ZNF385D: variants seen among roughly 807,000 people sequenced by gnomAD.
The protein encoded by ZNF385D is zinc finger protein 385D.
ZNF385D carries 15 observed loss-of-function variants against 35.8 expected under a neutral mutation model. That is an observed-to-expected ratio of 0.42 (90% CI 0.28 to 0.64). ZNF385D has a LOEUF of 0.64. Among genes scored for constraint, ZNF385D ranks in the 30% least tolerant of loss-of-function variants. The pLI is 0.23. For missense variants in ZNF385D, 474 were observed against 494.6 expected (o/e 0.96, Z 0.39); for synonymous variants, 212 against 186.8 (o/e 1.13, Z -1.10).
chr3:21,889,201 C>T (rs1698710167), intron 3 of ZNF385D, among the ~76,000 whole-genome samples: 1 of 152,124 alleles, frequency 6.6e-6, no homozygotes, highest in Middle Eastern at 3.2e-3. Flanking sequence ...AGCTTTAGTC[C>T]CACTGATCAT....
intron 2 of ZNF385D, among the ~76,000 whole-genome samples, chr3:22,338,663 A>T (rs1393301100): frequency 1.3e-5 from 2 of 151,842 alleles, no homozygotes; most frequent in Admixed American, 1.3e-4. Context: ...TAAATAAAAA[A>T]GTAAAGTTAA....
chr3:21,471,295 TCACACACACACACACACACA>T (rs151185506), intron 4 of ZNF385D, among the ~76,000 whole-genome samples: 4 of 86,238 alleles, frequency 4.6e-5, no homozygotes, highest in African/African-American at 1.7e-4. Context: ...TCTCTCTCTC[TCACACACACACACACACACA>T]CACACACACA....
chr3:21,817,515 G>A (rs1307178346), intron 3 of ZNF385D, among the ~76,000 whole-genome samples: 1 of 152,150 alleles, frequency 6.6e-6, no homozygotes, highest in Middle Eastern at 3.4e-3. Flanking sequence ...GTGGGTGAAG[G>A]ATATGAACAG....
chr3:21,551,305 G>T (rs2062560867), intron 3 of ZNF385D, among the ~76,000 whole-genome samples: 1 of 152,184 alleles, frequency 6.6e-6, no homozygotes, highest in Non-Finnish European at 1.5e-5. Context: ...AAACAGCAGA[G>T]ACATGAACAT....
chr3:21,849,011 A>G (rs1429777047), intron 3 of ZNF385D, among the ~76,000 whole-genome samples: 1 of 152,100 alleles, frequency 6.6e-6, no homozygotes, highest in African/African-American at 2.4e-5. Flanking sequence ...TTAAAGTTTT[A>G]TCAACAGTGT....
At chr3:21,749,368 C>T (rs775412626) in intron 1 of ZNF385D, among the ~76,000 whole-genome samples, 1 of 152,142 alleles carries the variant, frequency 6.6e-6, no homozygotes, top group African/African-American at 2.4e-5. Flanking sequence ...TTCTAATTGG[C>T]CCTACTTCCT....
At position 21,646,173 on chromosome 3, in the gene ZNF385D, G is replaced by A. The variant is rs77447774; in HGVS notation, c.165+18713C>T. On this transcript the variant is annotated intron_variant, in intron 2 of 7. Transcript: ENST00000281523. This position sits in a 1 kb window ranked among gnomAD's most constrained non-coding sequence, Gnocchi z 4.3. ...TTTTCATTTTAAAAGTTAAGGAAGG[G>A]AGATGTATAATTTTTAGGGTGTCAA... Among the ~76,000 whole-genome samples the A allele has an allele frequency of 0.076, 11,578 of 152,182 alleles. 541 individuals carry two copies. Among genetic ancestry groups the A allele is most frequent in the East Asian group, 0.16 (833 of 5,150 alleles).
intron 3 of ZNF385D, among the ~76,000 whole-genome samples, chr3:22,129,453 C>T (rs1053103917): frequency 6.6e-6 from 1 of 152,018 alleles, no homozygotes; most frequent in Non-Finnish European, 1.5e-5. Flanking sequence ...TCTAAAAATG[C>T]CCTCCATGAG....
intron 3 of ZNF385D, among the ~76,000 whole-genome samples, chr3:21,989,389 T>A (rs922292903): frequency 6.6e-6 from 1 of 152,126 alleles, no homozygotes; most frequent in African/African-American, 2.4e-5. Context: ...CCAAATTACG[T>A]AGGAATACAG....
At chr3:21,608,603 G>A (rs2064567862) in intron 2 of ZNF385D, among the ~76,000 whole-genome samples, 1 of 152,098 alleles carries the variant, frequency 6.6e-6, no homozygotes, top group Non-Finnish European at 1.5e-5. Context: ...TTAATACGTG[G>A]AAAGCAGTCA....
At chr3:22,277,628 T>G (rs1400057066) in intron 2 of ZNF385D, among the ~76,000 whole-genome samples, 4 of 152,116 alleles carry the variant, frequency 2.6e-5, no homozygotes, top group Non-Finnish European at 5.9e-5. Context: ...CTCAGTCTCA[T>G]GAAACTCATA....
chr3:21,594,383 T>G (rs1336442507), intron 2 of ZNF385D, among the ~76,000 whole-genome samples: 1 of 152,176 alleles, frequency 6.6e-6, no homozygotes, highest in East Asian at 1.9e-4. Flanking sequence ...CAAGTAGTTT[T>G]TTAATGAAAT....
intron 3 of ZNF385D, among the ~76,000 whole-genome samples, chr3:21,882,151 T>G (rs780579979): frequency 3.3e-5 from 5 of 152,072 alleles, no homozygotes; most frequent in Admixed American, 6.6e-5. Flanking sequence ...GACTGCAATT[T>G]TGAAAGAAAT....
chr3:21,605,698 C>G (rs529519358), intron 2 of ZNF385D, among the ~76,000 whole-genome samples: 6 of 152,264 alleles, frequency 3.9e-5, no homozygotes, highest in African/African-American at 1.4e-4. Context: ...CAATAGCAAC[C>G]AACTGTAGGG....
chr3:22,216,286 T>C (rs1697879870), intron 2 of ZNF385D, among the ~76,000 whole-genome samples: 1 of 152,006 alleles, frequency 6.6e-6, no homozygotes, highest in East Asian at 1.9e-4. Flanking sequence ...ATTTCATGAA[T>C]ATAAATATTC....
intron 3 of ZNF385D, among the ~76,000 whole-genome samples, chr3:22,103,737 G>T (rs73139401): frequency 2.6e-4 from 36 of 136,994 alleles, no homozygotes; most frequent in African/African-American, 8.6e-4. Flanking sequence ...AAATCTTATG[G>T]TAGCACAACC....
At chr3:21,941,190 T>C (rs938092152) in intron 3 of ZNF385D, among the ~76,000 whole-genome samples, 1 of 152,186 alleles carries the variant, frequency 6.6e-6, no homozygotes, top group Non-Finnish European at 1.5e-5. Flanking sequence ...AATATTTGGG[T>C]TCAAAGCTTT....
intron 2 of ZNF385D, among the ~76,000 whole-genome samples, chr3:22,220,998 ATTTCC>A (rs942292194): frequency 9.2e-5 from 14 of 152,160 alleles, no homozygotes; most frequent in African/African-American, 2.9e-4. Flanking sequence ...CAAAAATAAA[ATTTCC>A]TTTCATCTCT....
intron 3 of ZNF385D, among the ~76,000 whole-genome samples, chr3:21,788,661 T>C (rs758510904): frequency 6.6e-6 from 1 of 152,242 alleles, no homozygotes; most frequent in Non-Finnish European, 1.5e-5. Context: ...TTCTGTTGCT[T>C]TTTTAAATTT....
Sources: allele counts gnomAD v4.1 joint callset (sites outside exome capture counted in the v4.1 genomes callset), GRCh38; gene constraint gnomAD v4.1.1; non-coding constraint Gnocchi (gnomAD v3.1); transcripts MANE v1.5; gene names NCBI Gene and HGNC (gene_info 2026-07-23, HGNC 2026-07-21).